Variants in ANO4 observed in about 807,000 individuals in gnomAD.
The protein encoded by ANO4 is anoctamin 4, also known as anoctamin-4.
A neutral mutation model predicts 141.9 loss-of-function variants in ANO4; 69 were observed. The observed-to-expected ratio is 0.49, with a 90% CI of 0.40 to 0.59. The LOEUF is 0.59. ANO4 is among the 20% of genes least tolerant of loss of function. The probability of loss-of-function intolerance (pLI) is 0.00; values close to 1 mark genes in which losing one functional copy is unlikely to be tolerated. For missense variants in ANO4, 894 were observed against 1,162.2 expected (o/e 0.77, Z 3.36); for synonymous variants, 350 against 394.3 (o/e 0.89, Z 1.33).
At chr12:100,779,253 A>T (rs921351730) in intron 3 of ANO4, among the ~76,000 whole-genome samples, 1 of 152,162 alleles carries the variant, frequency 6.6e-6, no homozygotes, top group African/African-American at 2.4e-5. Flanking sequence ...ATAGTCACAG[A>T]GTTTATGAAA....
At chr12:100,773,118 G>A (rs1474845343) in intron 3 of ANO4, among the ~76,000 whole-genome samples, 1 of 152,202 alleles carries the variant, frequency 6.6e-6, no homozygotes, top group Non-Finnish European at 1.5e-5. Context: ...GGTACCAGCA[G>A]ATTAAGTGTC....
intron 7 of ANO4, among the ~76,000 whole-genome samples, chr12:100,986,824 G>A (rs1163241354): frequency 6.6e-6 from 1 of 152,190 alleles, no homozygotes; most frequent in Non-Finnish European, 1.5e-5. Context: ...GCAGAAGTCA[G>A]TGGAACCGAG....
intron 3 of ANO4, among the ~76,000 whole-genome samples, chr12:100,755,820 CT>C (rs2032584091): frequency 6.6e-6 from 1 of 152,168 alleles, no homozygotes; most frequent in Admixed American, 6.5e-5. Context: ...GTTCTCTCCT[CT>C]CCCTTTGCTA....
chr12:100,833,450 C>T (rs1368538669), intron 1 of ANO4, among the ~76,000 whole-genome samples: 1 of 152,112 alleles, frequency 6.6e-6, no homozygotes, highest in African/African-American at 2.4e-5. Context: ...TCTAGCCTCA[C>T]TTCCATTCCT....
At chr12:100,869,483 A>G (rs7316136) in intron 1 of ANO4, among the ~76,000 whole-genome samples, 61,626 of 151,934 alleles carry the variant, frequency 0.41, 12,698 homozygotes, top group Admixed American at 0.48. Context: ...GTGGGTTCGA[A>G]GTTTTCATAT....
chr12:101,039,900 T>A, intron 10 of ANO4, 55 bp from the exon 11 acceptor site: 2 of 1,560,606 alleles, frequency 1.3e-6, no homozygotes. Context: ...ACCATCAGCA[T>A]TTCCTTGTGA....
intron 1 of ANO4, among the ~76,000 whole-genome samples, chr12:100,730,313 G>GCCC (rs76185584): frequency 5.2e-4 from 79 of 151,910 alleles, no homozygotes; most frequent in Non-Finnish European, 9.4e-4. Flanking sequence ...CTCCTCCCCT[G>GCCC]CCCCCCAAGA....
At chr12:100,888,418 G>A (rs1408691480) in intron 1 of ANO4, among the ~76,000 whole-genome samples, 2 of 152,240 alleles carry the variant, frequency 1.3e-5, no homozygotes, top group South Asian at 2.1e-4. Context: ...TATAAAACAT[G>A]CCTCAAGAGG....
intron 5 of ANO4, among the ~76,000 whole-genome samples, chr12:100,956,875 C>T (rs188277355): frequency 2.6e-5 from 4 of 152,170 alleles, no homozygotes; most frequent in Non-Finnish European, 4.4e-5. Flanking sequence ...ACTTAGTTGA[C>T]AGAACACAGT....
intron 9 of ANO4, among the ~76,000 whole-genome samples, chr12:101,021,423 C>G (rs2046523800): frequency 6.6e-6 from 1 of 152,190 alleles, no homozygotes; most frequent in Non-Finnish European, 1.5e-5. Flanking sequence ...CAGTGTCCCT[C>G]CCAGTGTCTT....
At chr12:101,125,350 C>T (rs913496857) in intron 26 of ANO4, among the ~76,000 whole-genome samples, 1 of 152,108 alleles carries the variant, frequency 6.6e-6, no homozygotes, top group African/African-American at 2.4e-5. Context: ...TGCTTATCAG[C>T]TTAAGAAGCT....
At chr12:101,096,771 A>T in intron 19 of ANO4, 124 bp downstream of exon 19, 4 of 707,650 alleles carry the variant, frequency 5.7e-6, no homozygotes, top group Non-Finnish European at 9.6e-6. Context: ...AGGGAAGAGC[A>T]TCCTCCTCCC....
chr12:101,111,702 T>G lies in ANO4; in HGVS notation c.2442T>G (p.Ala814=). 1.3e-6 allele frequency: 2 copies of G among 1,589,194 alleles called. No homozygotes were observed. Among genetic ancestry groups the G allele is most frequent in the Non-Finnish European group, 1.7e-6 (2 of 1,171,120 alleles). Residue 814 remains alanine (A), a synonymous_variant, in exon 24 of 28, where the codon GCT becomes GCG. Coordinates refer to ENST00000392977, the MANE Select transcript of ANO4 (RefSeq NM_001286615.2). ...GACCTTGTGCAGGCCAAGGAGAAGC[T>G]GGGCAAAAGTAAGTTTGCTATAAAA... is the stretch of plus-strand genomic sequence containing the variant. ...KYGPCAGQGE[A]GQKCMVGYVN...
At chr12:101,104,804 T>A (rs2050377239) in intron 22 of ANO4, among the ~76,000 whole-genome samples, 1 of 151,616 alleles carries the variant, frequency 6.6e-6, no homozygotes, top group Non-Finnish European at 1.5e-5. Context: ...TAATTGTGTT[T>A]TTCAAATCTT....
At chr12:100,827,153 C>G (rs746090562) in intron 1 of ANO4, among the ~76,000 whole-genome samples, 87 of 152,134 alleles carry the variant, frequency 5.7e-4, no homozygotes, top group Middle Eastern at 6.8e-3. Context: ...AAGACAAAGT[C>G]CTTATAATGG....
chr12:100,836,037 G>A (rs1332610191), intron 1 of ANO4, among the ~76,000 whole-genome samples: 1 of 152,124 alleles, frequency 6.6e-6, no homozygotes, highest in South Asian at 2.1e-4. Flanking sequence ...ATATGACAAT[G>A]CCAGGGAAAA....
chr12:100,989,046 G>C (rs1470236233), intron 8 of ANO4, among the ~76,000 whole-genome samples: 1 of 152,080 alleles, frequency 6.6e-6, no homozygotes, highest in Non-Finnish European at 1.5e-5. Flanking sequence ...TAGATGTTCT[G>C]AATCAAAAAT....
chr12:100,839,980 G>A (rs1399442), intron 1 of ANO4, among the ~76,000 whole-genome samples: 126,485 of 152,066 alleles, frequency 0.83, 52,656 homozygotes, highest in Admixed American at 0.87. Context: ...ATCAGCTAGT[G>A]CATCGTACTT....
chr12:100,909,761 C>T (rs2041017670), intron 2 of ANO4, among the ~76,000 whole-genome samples: 1 of 152,176 alleles, frequency 6.6e-6, no homozygotes. Flanking sequence ...CAAGCTTTAT[C>T]GTTAGGTGTT....
Sources: gnomAD v4.1 joint callset for allele counts (sites outside exome capture counted in the v4.1 genomes callset) on GRCh38, gnomAD v4.1.1 for gene constraint, MANE v1.5 for transcripts, NCBI Gene and HGNC (gene_info 2026-07-23, HGNC 2026-07-21) for gene names.